The following PCCA variants were observed in gnomAD, a reference collection of about 807,000 sequenced individuals.
The protein encoded by PCCA is propionyl-CoA carboxylase alpha chain, mitochondrial.
A neutral mutation model predicts 101.3 loss-of-function variants in PCCA; 74 were observed. That is an observed-to-expected ratio of 0.73 (90% CI 0.61 to 0.89). The LOEUF is 0.89. Ranked by LOEUF, PCCA falls within the 40% of genes least tolerant of loss-of-function variation. The pLI, the probability that PCCA is intolerant of heterozygous loss-of-function variation, is 0.00. For missense variants in PCCA, 891 were observed against 907.0 expected (o/e 0.98, Z 0.23); for synonymous variants, 294 against 313.6 (o/e 0.94, Z 0.66).
intron 20 of PCCA, among the ~76,000 whole-genome samples, chr13:100,432,944 A>G (rs1448952755): frequency 6.6e-6 from 1 of 152,236 alleles, no homozygotes; most frequent in African/African-American, 2.4e-5. Flanking sequence ...TTCAAGGTTC[A>G]TCCAGGTTAT....
chr13:100,212,872 C>T (rs2059300643), intron 7 of PCCA, among the ~76,000 whole-genome samples: 1 of 151,580 alleles, frequency 6.6e-6, no homozygotes, highest in South Asian at 2.1e-4. Flanking sequence ...ACATCACCCA[C>T]CCCCACTCCT....
chr13:100,115,902 A>C (rs2048752032), intron 4 of PCCA, among the ~76,000 whole-genome samples: 1 of 152,232 alleles, frequency 6.6e-6, no homozygotes, highest in Admixed American at 6.5e-5. Context: ...TTGCACACTC[A>C]GTCAAAACTT....
intron 1 of PCCA, among the ~76,000 whole-genome samples, chr13:100,102,013 C>T (rs961155741): frequency 1.3e-5 from 2 of 152,084 alleles, no homozygotes; most frequent in Admixed American, 6.6e-5. Context: ...AGAGGTGGTA[C>T]CTGTTGGTTG....
At chr13:100,113,831 G>A (rs1594157874) in intron 4 of PCCA, among the ~76,000 whole-genome samples, 1 of 151,992 alleles carries the variant, frequency 6.6e-6, no homozygotes, top group East Asian at 1.9e-4. Context: ...CACCTGCTTT[G>A]GCCTCCCAAC....
rs1460907236 is a variant in PCCA at position 100,418,646 on chromosome 13, A to T, written c.1747-6987A>T. Among the ~76,000 whole-genome samples the T allele has an allele frequency of 2.0e-5, 3 of 152,194 alleles. No individual in the cohort carries two copies. In the East Asian group the frequency reaches 5.8e-4, roughly 29 times the overall value. On this transcript the variant is annotated intron_variant, in intron 19 of 23. Transcript: ENST00000376285. ...TCAGGAGTTCGAGACCAGCCTGGCC[A>T]ACATGGTGAAACCCCGTCTCTACTA...
chr13:100,130,726 G>C (rs1308513827), intron 4 of PCCA, among the ~76,000 whole-genome samples: 1 of 152,148 alleles, frequency 6.6e-6, no homozygotes, highest in East Asian at 1.9e-4. Flanking sequence ...AGGTATTTTT[G>C]TAAAGGGGAC....
chr13:100,364,469 ATT>A (rs1387416898), intron 18 of PCCA, among the ~76,000 whole-genome samples: 2 of 152,330 alleles, frequency 1.3e-5, no homozygotes, highest in South Asian at 4.1e-4. Context: ...TAGAGCATGC[ATT>A]CTTTCAGGTT....
chr13:100,506,123 C>T (rs1246751682), intron 21 of PCCA, among the ~76,000 whole-genome samples: 1 of 152,124 alleles, frequency 6.6e-6, no homozygotes, highest in African/African-American at 2.4e-5. Flanking sequence ...CTGTTGGCTT[C>T]AGAGACTTGG....
rs115371525 is a variant in PCCA at position 100,213,987 on chromosome 13, C to T, written c.600+4524C>T. On this transcript the variant is annotated intron_variant, in intron 7 of 23. Transcript: ENST00000376285. ...TCCGAGCACCATTTATTGAAGAGACCGTCCTTTCCCTAAGGTATATTCTTG... is the reference window on the plus strand; with the variant it reads ...TCCGAGCACCATTTATTGAAGAGACTGTCCTTTCCCTAAGGTATATTCTTG... Among the ~76,000 whole-genome samples the T allele has an allele frequency of 3.1e-3, 477 of 152,194 alleles. 3 individuals carry two copies. Among genetic ancestry groups the T allele is most frequent in the African/African-American group, 0.01 (436 of 41,526 alleles).
chr13:100,180,687 T>C (rs2056716654), intron 6 of PCCA, among the ~76,000 whole-genome samples: 1 of 152,250 alleles, frequency 6.6e-6, no homozygotes, highest in African/African-American at 2.4e-5. Context: ...CTGGTATTAA[T>C]TACTAATACG....
intron 4 of PCCA, among the ~76,000 whole-genome samples, chr13:100,124,427 G>T (rs757677807): frequency 2.0e-5 from 3 of 152,138 alleles, no homozygotes; most frequent in Non-Finnish European, 4.4e-5. Flanking sequence ...TCTTACCCAG[G>T]CAGCCTGCTG....
At chr13:100,184,687 G>T (rs1412923220) in intron 6 of PCCA, among the ~76,000 whole-genome samples, 1 of 152,182 alleles carries the variant, frequency 6.6e-6, no homozygotes, top group Non-Finnish European at 1.5e-5. Flanking sequence ...AAATGAATGG[G>T]TATGGCTGTG....
chr13:100,262,539 T>C (rs994049817), intron 9 of PCCA, among the ~76,000 whole-genome samples, 190 bp from the exon 10 acceptor site: 4 of 152,130 alleles, frequency 2.6e-5, no homozygotes, highest in Non-Finnish European at 5.9e-5. Context: ...AAAATTAACT[T>C]AGTTATTTGT....
intron 14 of PCCA, among the ~76,000 whole-genome samples, chr13:100,303,496 A>C (rs2066222023): frequency 6.6e-6 from 1 of 152,152 alleles, no homozygotes; most frequent in South Asian, 2.1e-4. Context: ...AGTTAAATAA[A>C]AGTGACCACT....
chr13:100,215,163 A>G (rs2059441522), intron 7 of PCCA, among the ~76,000 whole-genome samples: 1 of 152,198 alleles, frequency 6.6e-6, no homozygotes, highest in East Asian at 1.9e-4. Flanking sequence ...TTCCTCACAT[A>G]GGCATTCCTT....
intron 19 of PCCA, among the ~76,000 whole-genome samples, chr13:100,422,138 T>TC (rs1470750069): frequency 2.3e-4 from 33 of 144,006 alleles, no homozygotes; most frequent in African/African-American, 3.4e-4. Flanking sequence ...TTTCTTTCTT[T>TC]TTTTTTTTTT....
chr13:100,115,430 A>G (rs762966255), intron 4 of PCCA, among the ~76,000 whole-genome samples: 9 of 152,170 alleles, frequency 5.9e-5, no homozygotes, highest in Admixed American at 3.3e-4. Context: ...TAGAATTGGG[A>G]TGCTTGTAAC....
intron 17 of PCCA, among the ~76,000 whole-genome samples, chr13:100,337,801 G>A (rs151190874): frequency 3.3e-5 from 5 of 152,090 alleles, no homozygotes; most frequent in African/African-American, 7.2e-5. Context: ...TGGTATATAC[G>A]GTGCATATGT....
At chr13:100,166,920 C>T (rs2055102983) in intron 6 of PCCA, among the ~76,000 whole-genome samples, 2 of 152,146 alleles carry the variant, frequency 1.3e-5, no homozygotes, top group Non-Finnish European at 2.9e-5. Flanking sequence ...TTAAATTTAA[C>T]TGTTATACTA....
Sources: allele counts gnomAD v4.1 joint callset (sites outside exome capture counted in the v4.1 genomes callset), GRCh38; gene constraint gnomAD v4.1.1; transcripts MANE v1.5; gene names NCBI Gene and HGNC (gene_info 2026-07-23, HGNC 2026-07-21).